MCCC2: variants seen among roughly 807,000 people sequenced by gnomAD.
MCCC2 encodes methylcrotonoyl-CoA carboxylase beta chain, mitochondrial.
Under a neutral mutation model 77.2 loss-of-function variants are expected in MCCC2, and 52 were observed. The observed-to-expected ratio is 0.67, with a 90% confidence interval of 0.54 to 0.85. MCCC2 has a LOEUF of 0.85. Ranked by LOEUF, MCCC2 falls within the 40% of genes least tolerant of loss-of-function variation. The pLI is 0.00. For missense variants in MCCC2, 682 were observed against 703.2 expected (o/e 0.97, Z 0.34); for synonymous variants, 253 against 248.4 (o/e 1.02, Z -0.18).
Position 71,605,404 on chromosome 5 carries a change from C to G in MCCC2, c.624+936C>G, listed in dbSNP as rs1468567526. ...TCTTCTGAGAAGTGTCTGTTCATGT[C>G]CTTCACCCACTTTTTGATGGGGTTG... is the stretch of plus-strand genomic sequence containing the variant. On this transcript the variant is annotated intron_variant, in intron 6 of 16. Coordinates refer to ENST00000340941, the MANE Select transcript of MCCC2 (RefSeq NM_022132.5). Among the ~76,000 whole-genome samples the G allele has an allele frequency of 3.3e-5, 5 of 151,986 alleles. No individual in the cohort carries two copies. The South Asian group carries it at 8.3e-4, about 25-fold the overall frequency.
chr5:71,622,845 G>A (rs957404732), intron 6 of MCCC2, among the ~76,000 whole-genome samples: 9 of 152,158 alleles, frequency 5.9e-5, no homozygotes, highest in Non-Finnish European at 1.0e-4. Flanking sequence ...GGTGGCTCAC[G>A]CCTGTAATCC....
chr5:71,616,159 CG>C (rs1210129537), intron 6 of MCCC2, among the ~76,000 whole-genome samples: 1 of 152,224 alleles, frequency 6.6e-6, no homozygotes, highest in Non-Finnish European at 1.5e-5. Context: ...TTTGCAGACT[CG>C]CCTTATGTAT....
At position 71,635,056 on chromosome 5, in the gene MCCC2, G is replaced by A; in HGVS notation, c.903+14G>A. ...AAGAAATTGGATGTGAGTACGATAT[G>A]TTCTTATATCTTTTATTTTCCTGAA... On this transcript the variant is annotated intron_variant, in intron 9 of 16. Transcript: ENST00000340941. The A allele has an allele frequency of 6.2e-7, 1 of 1,613,220 alleles. No homozygotes were observed. Among genetic ancestry groups the A allele is most frequent in the African/African-American group, 1.3e-5 (1 of 75,036 alleles).
rs139426933 is a variant in MCCC2, at chr5:71,610,570, A to G, written c.624+6102A>G. ...AGAGCTGTAGACCGGAGCTGTTCCTATTCGGCCATCTTGGCTCCTCCCCAA... is the reference window on the plus strand; with the variant it reads ...AGAGCTGTAGACCGGAGCTGTTCCTGTTCGGCCATCTTGGCTCCTCCCCAA... On this transcript the variant is annotated intron_variant, in intron 6 of 16. Coordinates refer to ENST00000340941, the MANE Select transcript of MCCC2 (RefSeq NM_022132.5). Among the ~76,000 whole-genome samples, 922 of 152,296 alleles carry G rather than the reference A, an allele frequency of 6.1e-3. 24 individuals are homozygous for G. The highest frequency in any genetic ancestry group is 0.047 in the Admixed American group (711 of 15,286).
At position 71,641,011 on chromosome 5, in the gene MCCC2, T is replaced by TA; in HGVS notation, c.1009dup (p.Arg337LysfsTer10). 1 of 1,614,064 alleles carries TA rather than the reference T, an allele frequency of 6.2e-7. No homozygotes were observed. Among genetic ancestry groups the TA allele is most frequent in the Non-Finnish European group, 8.5e-7 (1 of 1,179,920 alleles). ...GTTGTTTTTCCTCTTAGGTCATTGC[T>TA]AGAATCGTGGATGGAAGCAGATTCA... is the stretch of plus-strand genomic sequence containing the variant. On this transcript the variant is annotated frameshift_variant, in exon 11 of 17. Coordinates refer to ENST00000340941, the MANE Select transcript of MCCC2 (RefSeq NM_022132.5). LOFTEE classifies it high-confidence loss of function.
intron 13 of MCCC2, among the ~76,000 whole-genome samples, chr5:71,648,485 A>G (rs1055891801): frequency 6.6e-6 from 1 of 152,148 alleles, no homozygotes; most frequent in Non-Finnish European, 1.5e-5. Flanking sequence ...TAGCATCTCT[A>G]TGAAACATTC....
chr5:71,641,041 G>A lies in MCCC2; in HGVS notation c.1038G>A (p.Glu346=). ...TCGTGGATGGAAGCAGATTCACTGA[G>A]TTCAAAGCCTTTTATGGAGACACAT... ...ARIVDGSRFT[E]FKAFYGDTLV... The change falls in exon 11 of 17, where the codon GAG becomes GAA. Residue 346 remains glutamate (E), a synonymous_variant. Coordinates refer to ENST00000340941, the MANE Select transcript of MCCC2 (RefSeq NM_022132.5). The A allele has an allele frequency of 1.2e-6, 2 of 1,614,090 alleles. No homozygotes were observed. The highest frequency in any genetic ancestry group is 2.2e-5 in the South Asian group (2 of 91,080).
chr5:71,613,906 A>T (rs967141714), intron 6 of MCCC2, among the ~76,000 whole-genome samples: 1 of 151,688 alleles, frequency 6.6e-6, no homozygotes, highest in Admixed American at 6.6e-5. Context: ...GATACTATGG[A>T]GACTCAATAT....
intron 1 of MCCC2, 147 bp downstream of exon 1, chr5:71,587,701 C>A: frequency 9.0e-7 from 1 of 1,113,710 alleles, no homozygotes; most frequent in South Asian, 1.5e-5. Context: ...AAAAGCCTAA[C>A]AGATACAAGA....
At chr5:71,593,823 CTTT>C (rs1745075080) in intron 2 of MCCC2, among the ~76,000 whole-genome samples, 1 of 152,040 alleles carries the variant, frequency 6.6e-6, no homozygotes, top group African/African-American at 2.4e-5. Context: ...GTATATAATA[CTTT>C]TAATGTAAAA....
chr5:71,589,552 A>C (rs1355758803), intron 1 of MCCC2, among the ~76,000 whole-genome samples: 1 of 152,270 alleles, frequency 6.6e-6, no homozygotes, highest in Non-Finnish European at 1.5e-5. Flanking sequence ...ATTGGATTTA[A>C]AATCCTTGCT....
intron 11 of MCCC2, among the ~76,000 whole-genome samples, chr5:71,642,478 C>A (rs201165498): frequency 6.6e-6 from 1 of 152,142 alleles, no homozygotes; most frequent in Non-Finnish European, 1.5e-5. Context: ...TGGTGAAGAC[C>A]GTCCCTCTAT....
intron 6 of MCCC2, among the ~76,000 whole-genome samples, chr5:71,615,012 G>A (rs2112376166): frequency 1.3e-5 from 2 of 152,106 alleles, no homozygotes; most frequent in South Asian, 4.2e-4. Context: ...TGTCATCCAG[G>A]TTGGAGTGCA....
chr5:71,650,725 TGCAAGCTC>T (rs1747415673), intron 15 of MCCC2, among the ~76,000 whole-genome samples: 1 of 152,178 alleles, frequency 6.6e-6, no homozygotes. Context: ...CTCGGCTCAC[TGCAAGCTC>T]CGCCTCCCAG....
chr5:71,644,707 G>GAAATAACAGGGTAAAA (rs1296125809), intron 12 of MCCC2, among the ~76,000 whole-genome samples: 1 of 151,956 alleles, frequency 6.6e-6, no homozygotes, highest in Non-Finnish European at 1.5e-5. Flanking sequence ...TTTTTCTCTT[G>GAAATAACAGGGTAAAA]AAATAACAGG....
intron 4 of MCCC2, 51 bp from the exon 5 acceptor site, chr5:71,602,455 T>A (rs780349747): frequency 6.2e-7 from 1 of 1,612,896 alleles, no homozygotes; most frequent in Non-Finnish European, 8.5e-7. Context: ...GTGTAATTAG[T>A]TTTGAAGAAA....
chr5:71,606,129 G>T (rs62361818), intron 6 of MCCC2, among the ~76,000 whole-genome samples: 113,541 of 151,236 alleles, frequency 0.75, 43,276 homozygotes, highest in East Asian at 0.86. Flanking sequence ...TTGGTAGCTT[G>T]ATGGGGATGG....
chr5:71,603,415 CAAA>C lies in MCCC2; in HGVS notation c.511+804_511+806del, dbSNP rs10538231. Among the ~76,000 whole-genome samples, 502 of 74,204 alleles carry C rather than the reference CAAA, an allele frequency of 6.8e-3. 1 individual carries two copies. The highest frequency in any genetic ancestry group is 0.01 in the Admixed American group (61 of 5,910). 48.7% of individuals were successfully genotyped at this position (74,204 alleles called of 152,430 possible). On this transcript the variant is annotated intron_variant, in intron 5 of 16. Coordinates refer to ENST00000340941, the MANE Select transcript of MCCC2 (RefSeq NM_022132.5). Reference sequence around the variant, plus strand: ...TGGGCGACAGAGAGAGAGACTGTCTCAAAAAAAAAAAAAAAAAAAAAAAATGGG... The same window carrying C: ...TGGGCGACAGAGAGAGAGACTGTCTCAAAAAAAAAAAAAAAAAAAAATGGG...
intron 16 of MCCC2, among the ~76,000 whole-genome samples, chr5:71,653,025 G>A (rs1051631407): frequency 6.6e-6 from 1 of 152,174 alleles, no homozygotes; most frequent in African/African-American, 2.4e-5. Flanking sequence ...GAGGTGTCTG[G>A]GGCCTGGAGG....
Sources: gnomAD v4.1 joint callset for allele counts (sites outside exome capture counted in the v4.1 genomes callset) on GRCh38, gnomAD v4.1.1 for gene constraint, MANE v1.5 for transcripts, NCBI Gene and HGNC (gene_info 2026-07-23, HGNC 2026-07-21) for gene names.